Variants in VPS53 observed in about 807,000 individuals in gnomAD.
The protein encoded by VPS53 is VPS53 subunit of GARP complex.
VPS53 carries 70 observed loss-of-function variants against 107.0 expected under a neutral mutation model. That is an observed-to-expected ratio of 0.65 (90% CI 0.54 to 0.80). VPS53 has a LOEUF of 0.80. Ranked by LOEUF, VPS53 falls within the 30% of genes least tolerant of loss-of-function variation. The pLI, the probability that VPS53 is intolerant of heterozygous loss-of-function variation, is 0.00. For synonymous variants in VPS53, 409 were observed against 393.3 expected (o/e 1.04, Z -0.47); for missense variants, 917 against 1,049.4 (o/e 0.87, Z 1.74).
intron 12 of VPS53, among the ~76,000 whole-genome samples, chr17:593,862 A>C (rs1967811329): frequency 6.6e-6 from 1 of 152,208 alleles, no homozygotes; most frequent in Non-Finnish European, 1.5e-5. Context: ...ATGCACACGT[A>C]TGTTTATTGC....
rs1461091958 is a variant in VPS53, at chr17:710,708, G to A, written c.88-95C>T. The A allele has an allele frequency of 1.9e-4, 179 of 919,078 alleles. 2 individuals carry two copies. Among genetic ancestry groups the A allele is most frequent in the Non-Finnish European group, 5.0e-5 (30 of 604,462 alleles). The allele number at this position is 919,078 out of a possible 1,614,324, so 56.9% of individuals were successfully genotyped here. On this transcript the variant is annotated intron_variant, in intron 1 of 21. Transcript: ENST00000437048. ...CAATTAAAAGGAAAGGGCCGGGCAC[G>A]GTGGCTCATGCCTGTAATCACAGCA...
intron 5 of VPS53, among the ~76,000 whole-genome samples, 157 bp downstream of exon 5, chr17:661,651 TG>T (rs1971443263): frequency 6.6e-6 from 1 of 152,120 alleles, no homozygotes; most frequent in Non-Finnish European, 1.5e-5. Flanking sequence ...CCCCTTGAAT[TG>T]ATCTGAACGC....
At chr17:547,030 C>A (rs1911266758) in intron 17 of VPS53, among the ~76,000 whole-genome samples, 3 of 151,978 alleles carry the variant, frequency 2.0e-5, no homozygotes, top group African/African-American at 7.3e-5. Context: ...ACGCACGCTA[C>A]CACACCCGGC....
At chr17:654,471 G>A (rs1324378920) in intron 6 of VPS53, among the ~76,000 whole-genome samples, 1 of 151,912 alleles carries the variant, frequency 6.6e-6, no homozygotes, top group Non-Finnish European at 1.5e-5. Context: ...GGGCGCGGTG[G>A]CTCAAGCCTG....
chr17:637,989 T>C (rs553793476), intron 7 of VPS53, among the ~76,000 whole-genome samples: 4 of 152,318 alleles, frequency 2.6e-5, no homozygotes, highest in African/African-American at 4.8e-5. Context: ...TTCTGTCTCA[T>C]TGATCTGTCT....
chr17:678,739 C>T (rs1380210305), intron 4 of VPS53, among the ~76,000 whole-genome samples: 1 of 151,832 alleles, frequency 6.6e-6, no homozygotes, highest in Non-Finnish European at 1.5e-5. Context: ...CCCGGGTTCA[C>T]GCCATTCTCC....
intron 7 of VPS53, among the ~76,000 whole-genome samples, chr17:635,152 G>T (rs1006590536): frequency 2.6e-5 from 4 of 152,130 alleles, no homozygotes; most frequent in Admixed American, 6.5e-5. Context: ...ACCAGTGATG[G>T]TTAGCATTTT....
rs71145747 is a variant in VPS53 at position 531,773 on chromosome 17, C to CTTTTTTT, written c.2085+1062_2085+1068dup. 2.8e-4 allele frequency among the ~76,000 whole-genome samples: 24 copies of CTTTTTTT among 86,668 alleles called. 2 individuals carry two copies. Among genetic ancestry groups the CTTTTTTT allele is most frequent in the African/African-American group, 7.0e-4 (14 of 19,872 alleles). 56.9% of individuals were successfully genotyped at this position (86,668 alleles called of 152,430 possible). ...CAGCCTCCCATCACTGGGATTTATT[C>CTTTTTTT]TTTTTTTTTTTTTTTTTTTTTGAGA... On this transcript the variant is annotated intron_variant, in intron 19 of 21. Coordinates refer to ENST00000437048, the MANE Select transcript of VPS53 (RefSeq NM_001128159.3).
intron 11 of VPS53, among the ~76,000 whole-genome samples, chr17:607,346 T>C (rs1156256226): frequency 6.6e-6 from 1 of 152,176 alleles, no homozygotes; most frequent in Non-Finnish European, 1.5e-5. Flanking sequence ...ACGGAGCTGC[T>C]CCTTTCTTCC....
At chr17:703,787 T>C (rs534880767) in intron 2 of VPS53, among the ~76,000 whole-genome samples, 1 of 151,788 alleles carries the variant, frequency 6.6e-6, no homozygotes, top group Non-Finnish European at 1.5e-5. Flanking sequence ...ACTGGGATGA[T>C]AAGCAATTTG....
chr17:573,745 G>A (rs1432319197), intron 13 of VPS53, among the ~76,000 whole-genome samples: 2 of 152,276 alleles, frequency 1.3e-5, no homozygotes, highest in South Asian at 2.1e-4. Flanking sequence ...TAGCAAGCGC[G>A]AAGCCTCACA....
chr17:714,781 G>A lies in VPS53; in HGVS notation c.-72C>T, dbSNP rs1597527278. The A allele has an allele frequency of 1.3e-6, 2 of 1,546,132 alleles. No homozygotes were observed. The highest frequency in any genetic ancestry group is 1.8e-6 in the Non-Finnish European group (2 of 1,120,478). On this transcript the variant is annotated 5_prime_UTR_variant, in exon 1 of 22. Coordinates refer to ENST00000437048, the MANE Select transcript of VPS53 (RefSeq NM_001128159.3). ...GCCTCCAGCCGCCACCCAGGCCCCAGCACAGCAACTCCCTCGCGGCAGCGA... is the reference window on the plus strand; with the variant it reads ...GCCTCCAGCCGCCACCCAGGCCCCAACACAGCAACTCCCTCGCGGCAGCGA...
chr17:710,550 G>C lies in VPS53; in HGVS notation c.151C>G (p.Leu51Val), dbSNP rs188298572. 1.9e-6 allele frequency: 3 copies of C among 1,613,952 alleles called. No individual in the cohort carries two copies. The highest frequency in any genetic ancestry group is 1.7e-6 in the Non-Finnish European group (2 of 1,179,904). ...DFNAVEYINT[L>V]FPTEQSLANI... ...CTACTTACTTGCTCGGTTGGGAACA[G>C]GGTATTGATATACTCAACAGCATTG... The change falls in exon 2 of 22, where the codon CTG becomes GTG. Residue 51 changes from leucine to valine, a missense_variant. Transcript: ENST00000437048.
intron 18 of VPS53, among the ~76,000 whole-genome samples, chr17:535,483 A>G (rs550537215): frequency 3.3e-5 from 5 of 149,770 alleles, no homozygotes; most frequent in Admixed American, 6.6e-5. Flanking sequence ...CTAAGTCAAC[A>G]GACTCCTCCT....
chr17:541,811 C>T (rs976697767), intron 17 of VPS53, among the ~76,000 whole-genome samples: 6 of 149,008 alleles, frequency 4.0e-5, no homozygotes, highest in African/African-American at 1.5e-4. Context: ...ACCTACCACG[C>T]ACTGAAGGAA....
chr17:546,870 C>CTTTTTT (rs60940748), intron 17 of VPS53, among the ~76,000 whole-genome samples: 3 of 83,334 alleles, frequency 3.6e-5, no homozygotes, highest in Non-Finnish European at 2.2e-5. Flanking sequence ...CCCTTAGATC[C>CTTTTTT]TTTTTTTTTT....
chr17:584,653 T>G (rs1967220407), intron 13 of VPS53, among the ~76,000 whole-genome samples: 1 of 152,138 alleles, frequency 6.6e-6, no homozygotes, highest in Non-Finnish European at 1.5e-5. Flanking sequence ...CTCGAGTAGC[T>G]GGGACTACAG....
intron 7 of VPS53, among the ~76,000 whole-genome samples, chr17:647,905 T>C (rs139385349): frequency 6.6e-6 from 1 of 152,120 alleles, no homozygotes; most frequent in Non-Finnish European, 1.5e-5. Context: ...TTCTCGAAAA[T>C]GAAAGACATG....
At chr17:643,002 G>A (rs1156331076) in intron 7 of VPS53, among the ~76,000 whole-genome samples, 4 of 120,572 alleles carry the variant, frequency 3.3e-5, no homozygotes, top group South Asian at 3.1e-4. Context: ...CTTGGAAAGC[G>A]AGGACAACAC....
Sources: gnomAD v4.1 joint callset for allele counts (sites outside exome capture counted in the v4.1 genomes callset) on GRCh38, gnomAD v4.1.1 for gene constraint, MANE v1.5 for transcripts, NCBI Gene and HGNC (gene_info 2026-07-23, HGNC 2026-07-21) for gene names.